SAP30: variants seen among roughly 807,000 people sequenced by gnomAD.
SAP30 encodes Sin3A associated protein 30, also known as histone deacetylase complex subunit SAP30.
In SAP30, 13 loss-of-function variants were observed where a neutral mutation model predicts 19.6. The ratio of observed to expected loss-of-function variants is 0.66; its 90% CI spans 0.43 to 1.05. The LOEUF (loss-of-function observed/expected upper bound fraction) is 1.05, where lower values mean the gene tolerates loss of function less well. Among genes scored for constraint, SAP30 ranks in the 50% least tolerant of loss-of-function variants. The probability of loss-of-function intolerance (pLI) is 0.00; values close to 1 mark genes in which losing one functional copy is unlikely to be tolerated. For synonymous variants in SAP30, 108 were observed against 122.7 expected (o/e 0.88, Z 0.79); for missense variants, 257 against 292.1 (o/e 0.88, Z 0.88).
In SAP30 at chr4:173,371,372, G is replaced by C. The variant is rs757703156; in HGVS notation, c.190G>C (p.Gly64Arg). 2 of 1,541,014 alleles carry C rather than the reference G, an allele frequency of 1.3e-6. No homozygotes were observed. Among genetic ancestry groups the C allele is most frequent in the Non-Finnish European group, 1.7e-6 (2 of 1,153,716 alleles). ...CCCGGGGGCGGCCGGGCCGGGCCCC[G>C]GGCAACTGTGCTGCCTGCGGGAGGA... Reference protein sequence around the residue: ...GPPGAAGPGPGQLCCLREDGE... With the variant: ...GPPGAAGPGPRQLCCLREDGE... Residue 64 changes from glycine (G) to arginine (R), a missense_variant, in exon 1 of 4, where the codon GGG (glycine) becomes CGG (arginine). Physicochemically the swap from Gly to Arg is moderately radical, Grantham distance 125 (BLOSUM62 -2). Transcript: ENST00000296504. The surrounding 1 kb of genome is among the most constrained non-coding windows in gnomAD (Gnocchi z 6.4).
Position 173,371,107 on chromosome 4 carries a change from C to G in SAP30, c.-76C>G. On this transcript the variant is annotated 5_prime_UTR_variant, in exon 1 of 4. Transcript: ENST00000296504. The surrounding 1 kb of genome is among the most constrained non-coding windows in gnomAD (Gnocchi z 6.4). ...ACTTGGTGTGCAGAGTGAATTGCCG[C>G]TGCCGGAGCGGAGAGAGGCGGAGCG... is the stretch of plus-strand genomic sequence containing the variant. 2 of 1,368,814 alleles carry G rather than the reference C, an allele frequency of 1.5e-6. No individual in the cohort carries two copies. The highest frequency in any genetic ancestry group is 2.9e-5 in the Admixed American group (1 of 34,678). The allele number at this position is 1,368,814 out of a possible 1,614,324, so 84.8% of individuals were successfully genotyped here.
chr4:173,374,059 T>G, intron 3 of SAP30, 22 bp downstream of exon 3: 1 of 1,337,430 alleles, frequency 7.5e-7, no homozygotes, highest in Non-Finnish European at 1.1e-6. Flanking sequence ...TTTTAAACTA[T>G]TTGAACTATC....
Position 173,371,958 on chromosome 4 carries a change from A to G in SAP30, c.315+461A>G, listed in dbSNP as rs1421769997. ...AGGAGAAAGCGGAGGACCTTCACGA[A>G]CAAGGAAGATCCTGTTCTTTTCTGT... On this transcript the variant is annotated intron_variant, in intron 1 of 3. Transcript: ENST00000296504. The surrounding 1 kb of genome is among the most constrained non-coding windows in gnomAD (Gnocchi z 6.4). 6.6e-6 allele frequency among the ~76,000 whole-genome samples: 1 copy of G among 152,188 alleles called. No homozygotes were observed. Among genetic ancestry groups the G allele is most frequent in the Non-Finnish European group, 1.5e-5 (1 of 68,024 alleles).
chr4:173,377,085 TA>T, intron 3 of SAP30, 119 bp from the exon 4 acceptor site: 2 of 579,040 alleles, frequency 3.5e-6, no homozygotes, highest in Non-Finnish European at 5.8e-6. Flanking sequence ...ATATAATTTT[TA>T]AAGGAAATAG....
rs145319708 is a variant in SAP30, at chr4:173,372,373, A to G, written c.315+876A>G. 4.7e-3 allele frequency among the ~76,000 whole-genome samples: 712 copies of G among 152,338 alleles called. 5 individuals are homozygous for G. The highest frequency in any genetic ancestry group is 0.017 in the African/African-American group (686 of 41,564). ...GCTAGTCTACAGCTCGCAGGAGTAT[A>G]TGTAATTAAAGTTTTTGAAAAGTTT... On this transcript the variant is annotated intron_variant, in intron 1 of 3. Transcript: ENST00000296504.
Position 173,377,257 on chromosome 4 carries a change from C to T in SAP30, c.593C>T (p.Thr198Ile), listed in dbSNP as rs1199517273. 1 of 1,608,934 alleles carries T rather than the reference C, an allele frequency of 6.2e-7. No individual in the cohort carries two copies. Among genetic ancestry groups the T allele is most frequent in the East Asian group, 2.3e-5 (1 of 44,392 alleles). ...SIPVNEKDTL[T>I]YFIYSVKNDK... ...CCAGTGAATGAAAAAGACACCTTAA[C>T]ATATTTCATCTACTCAGTGAAGAAT... Residue 198 changes from threonine to isoleucine, a missense_variant, in exon 4 of 4, where the codon ACA becomes ATA. Physicochemically the swap from Thr to Ile is moderately conservative, Grantham distance 89. Coordinates refer to ENST00000296504, the MANE Select transcript of SAP30 (RefSeq NM_003864.4).
chr4:173,372,077 C>T (rs1738950168), intron 1 of SAP30, among the ~76,000 whole-genome samples: 1 of 152,264 alleles, frequency 6.6e-6, no homozygotes, highest in South Asian at 2.1e-4. Context: ...GCGCTGTCAG[C>T]TCCGAGGGCA....
chr4:173,371,287 G>A lies in SAP30; in HGVS notation c.105G>A (p.Gly35=), dbSNP rs1486652400. Residue 35 remains glycine, a synonymous_variant, in exon 1 of 4, where the codon GGG becomes GGA. Coordinates refer to ENST00000296504, the MANE Select transcript of SAP30 (RefSeq NM_003864.4). This position sits in a 1 kb window ranked among gnomAD's most constrained non-coding sequence, Gnocchi z 6.4. ...AAAAAASAGN[G]TGAGTGAEVP... ...CCGCCGCCGCCTCGGCGGGGAACGG[G>A]ACCGGCGCGGGCACCGGGGCTGAGG... 2.2e-5 allele frequency: 27 copies of A among 1,241,574 alleles called. No individual in the cohort carries two copies. Among genetic ancestry groups the A allele is most frequent in the Non-Finnish European group, 2.7e-5 (27 of 998,114 alleles). 76.9% of individuals were successfully genotyped at this position (1,241,574 alleles called of 1,614,324 possible).
Position 173,371,127 on chromosome 4 carries a change from G to T in SAP30, c.-56G>T. ...TGCCGCTGCCGGAGCGGAGAGAGGCGGAGCGGCCAGGAGAGAGGGGATTTC... is the reference window on the plus strand; with the variant it reads ...TGCCGCTGCCGGAGCGGAGAGAGGCTGAGCGGCCAGGAGAGAGGGGATTTC... On this transcript the variant is annotated 5_prime_UTR_variant, in exon 1 of 4. Coordinates refer to ENST00000296504, the MANE Select transcript of SAP30 (RefSeq NM_003864.4). This position sits in a 1 kb window ranked among gnomAD's most constrained non-coding sequence, Gnocchi z 6.4. 2 of 1,405,156 alleles carry T rather than the reference G, an allele frequency of 1.4e-6. No individual in the cohort carries two copies. The highest frequency in any genetic ancestry group is 2.7e-5 in the Admixed American group (1 of 37,040). The allele number at this position is 1,405,156 out of a possible 1,614,324, so 87.0% of individuals were successfully genotyped here.
In SAP30 at chr4:173,377,278, A is replaced by AGAAT. The variant is rs1739061448; in HGVS notation, c.617_620dup (p.Asp207GlufsTer2). On this transcript the variant is annotated frameshift_variant, in exon 4 of 4. Transcript: ENST00000296504. LOFTEE classifies it high-confidence loss of function. The stretch of plus-strand genomic sequence containing the variant: ...TTAACATATTTCATCTACTCAGTGA[A>AGAAT]GAATGACAAGAACAAATCAGATCTC... 6.2e-7 allele frequency: 1 copy of AGAAT among 1,609,744 alleles called. No individual in the cohort carries two copies. The highest frequency in any genetic ancestry group is 8.5e-7 in the Non-Finnish European group (1 of 1,178,322).
Position 173,371,764 on chromosome 4 carries a change from C to G in SAP30, c.315+267C>G, listed in dbSNP as rs1186010915. Among the ~76,000 whole-genome samples, 1 of 152,212 alleles carries G rather than the reference C, an allele frequency of 6.6e-6. No individual in the cohort carries two copies. Among genetic ancestry groups the G allele is most frequent in the Non-Finnish European group, 1.5e-5 (1 of 68,046 alleles). ...GCTGCCTGCGTCTCTCCCGCGCAGT[C>G]TTCCCTCTTCCTTCTCCTCTGCGAC... On this transcript the variant is annotated intron_variant, in intron 1 of 3. Transcript: ENST00000296504. This position sits in a 1 kb window ranked among gnomAD's most constrained non-coding sequence, Gnocchi z 6.4.
In SAP30 at chr4:173,371,482, C is replaced by A. The variant is rs750924784; in HGVS notation, c.300C>A (p.Ile100=). 6 of 1,587,240 alleles carry A rather than the reference C, an allele frequency of 3.8e-6. No homozygotes were observed. Among genetic ancestry groups the A allele is most frequent in the African/African-American group, 1.3e-5 (1 of 74,410 alleles). ...QKSISQKKVK[I]ELDKSARHLY... ...GCATCTCCCAGAAGAAGGTGAAGAT[C>A]GAGCTGGATAAGAGCGTAAGTAAAC... is the stretch of plus-strand genomic sequence containing the variant. Residue 100 remains isoleucine, a synonymous_variant, in exon 1 of 4, where the codon ATC becomes ATA. Coordinates refer to ENST00000296504, the MANE Select transcript of SAP30 (RefSeq NM_003864.4). This position sits in a 1 kb window ranked among gnomAD's most constrained non-coding sequence, Gnocchi z 6.4.
At position 173,372,427 on chromosome 4, in the gene SAP30, A is replaced by C. The variant is rs149196420; in HGVS notation, c.315+930A>C. Among the ~76,000 whole-genome samples, 605 of 152,356 alleles carry C rather than the reference A, an allele frequency of 4.0e-3. 6 individuals are homozygous for C. Among genetic ancestry groups the C allele is most frequent in the African/African-American group, 0.014 (582 of 41,578 alleles). ...TGTGACACTTTTTGCCCGTTTAAAC[A>C]GTTTTCAGTGTTATCCATGAGAAAC... On this transcript the variant is annotated intron_variant, in intron 1 of 3. Coordinates refer to ENST00000296504, the MANE Select transcript of SAP30 (RefSeq NM_003864.4).
intron 1 of SAP30, 150 bp from the exon 2 acceptor site, chr4:173,373,240 G>A (rs1340233128): frequency 5.0e-6 from 3 of 602,870 alleles, no homozygotes; most frequent in African/African-American, 3.8e-5. Flanking sequence ...TAGCGTATAG[G>A]ATTTAAACGT....
Position 173,373,380 on chromosome 4 carries a change from T to C in SAP30, c.316-10T>C. Reference sequence around the variant, plus strand: ...AATCATAAGCAGTGTGTAAAACTTTTCTGTTTCAGGCAAGGCATCTTTACA... The same window carrying C: ...AATCATAAGCAGTGTGTAAAACTTTCCTGTTTCAGGCAAGGCATCTTTACA... On this transcript the variant is annotated splice_polypyrimidine_tract_variant and intron_variant, in intron 1 of 3. Coordinates refer to ENST00000296504, the MANE Select transcript of SAP30 (RefSeq NM_003864.4). 1 of 1,597,584 alleles carries C rather than the reference T, an allele frequency of 6.3e-7. No homozygotes were observed. Among genetic ancestry groups the C allele is most frequent in the Non-Finnish European group, 8.5e-7 (1 of 1,173,184 alleles).
chr4:173,371,317 G>A lies in SAP30; in HGVS notation c.135G>A (p.Pro45=). 7.7e-7 allele frequency: 1 copy of A among 1,302,922 alleles called. No individual in the cohort carries two copies. The highest frequency in any genetic ancestry group is 2.0e-5 in the South Asian group (1 of 50,684). The allele number at this position is 1,302,922 out of a possible 1,614,324, so 80.7% of individuals were successfully genotyped here. The part of the protein sequence containing the change: ...GTGAGTGAEV[P]GAGAVSAAGP... The stretch of plus-strand genomic sequence containing the variant: ...GCGCGGGCACCGGGGCTGAGGTGCC[G>A]GGCGCGGGGGCGGTCTCAGCGGCTG... The change falls in exon 1 of 4, where the codon CCG becomes CCA. Residue 45 remains proline (P), a synonymous_variant. Transcript: ENST00000296504. This position sits in a 1 kb window ranked among gnomAD's most constrained non-coding sequence, Gnocchi z 6.4.
At chr4:173,375,594 T>G (rs1192358205) in intron 3 of SAP30, among the ~76,000 whole-genome samples, 1 of 152,206 alleles carries the variant, frequency 6.6e-6, no homozygotes, top group African/African-American at 2.4e-5. Context: ...AACCTGTAAT[T>G]TTTGATAAAC....
chr4:173,374,202 C>G (rs185129947), intron 3 of SAP30, among the ~76,000 whole-genome samples, 165 bp downstream of exon 3: 2 of 152,196 alleles, frequency 1.3e-5, no homozygotes, highest in African/African-American at 4.8e-5. Flanking sequence ...TGTTTGTCTG[C>G]CACTTAGGAA....
chr4:173,373,164 A>G (rs1342681782), intron 1 of SAP30, among the ~76,000 whole-genome samples: 2 of 151,004 alleles, frequency 1.3e-5, no homozygotes, highest in African/African-American at 4.9e-5. Context: ...CCCCTTCCCC[A>G]GATGGAACCA....
Sources: allele counts gnomAD v4.1 joint callset (sites outside exome capture counted in the v4.1 genomes callset), GRCh38; gene constraint gnomAD v4.1.1; non-coding constraint Gnocchi (gnomAD v3.1); transcripts MANE v1.5; gene names NCBI Gene and HGNC (gene_info 2026-07-23, HGNC 2026-07-21).